Variants in TMEFF2 observed in about 807,000 individuals in gnomAD.
The protein encoded by TMEFF2 is tomoregulin-2.
TMEFF2 carries 28 observed loss-of-function variants against 53.8 expected under a neutral mutation model. The ratio of observed to expected loss-of-function variants is 0.52; its 90% CI spans 0.39 to 0.71. The LOEUF is 0.71. Among genes scored for constraint, TMEFF2 ranks in the 30% least tolerant of loss-of-function variants. The pLI is 0.00. For missense variants in TMEFF2, 353 were observed against 455.2 expected, an observed-to-expected ratio of 0.78 and a Z score of 2.04; for synonymous variants, 162 against 166.3, an observed-to-expected ratio of 0.97 and a Z score of 0.20.
At chr2:192,066,923 G>A (rs1688180870) in intron 4 of TMEFF2, among the ~76,000 whole-genome samples, 1 of 151,774 alleles carries the variant, frequency 6.6e-6, no homozygotes, top group Non-Finnish European at 1.5e-5. Flanking sequence ...CATATAAATG[G>A]TTTTTAATTT....
chr2:191,982,784 A>C (rs1335300131), intron 7 of TMEFF2, among the ~76,000 whole-genome samples: 1 of 152,130 alleles, frequency 6.6e-6, no homozygotes, highest in African/African-American at 2.4e-5. Flanking sequence ...GAGTATGTAC[A>C]GTTTTATCAG....
At chr2:192,087,700 C>T (rs553939658) in intron 4 of TMEFF2, among the ~76,000 whole-genome samples, 121 of 152,174 alleles carry the variant, frequency 8.0e-4, no homozygotes, top group African/African-American at 2.8e-3. Flanking sequence ...ATAAACTTTA[C>T]TATGTTTAAT....
At chr2:191,964,204 C>G (rs1455081656) in intron 7 of TMEFF2, among the ~76,000 whole-genome samples, 1 of 150,920 alleles carries the variant, frequency 6.6e-6, no homozygotes, top group Non-Finnish European at 1.5e-5. Flanking sequence ...CTTTCTCTTT[C>G]TTTCTCTCTT....
chr2:192,132,141 G>C (rs541146005), intron 4 of TMEFF2, among the ~76,000 whole-genome samples: 22 of 152,026 alleles, frequency 1.4e-4, no homozygotes, highest in Non-Finnish European at 2.5e-4. Context: ...TTCTTCCTCA[G>C]CCTCCGCTCC....
intron 5 of TMEFF2, among the ~76,000 whole-genome samples, chr2:192,020,389 C>T: frequency 6.6e-6 from 1 of 152,014 alleles, no homozygotes; most frequent in East Asian, 1.9e-4. Flanking sequence ...TGAACATTTT[C>T]ACCAAATATC....
At chr2:191,958,380 T>G (rs1437972924) in intron 7 of TMEFF2, among the ~76,000 whole-genome samples, 1 of 152,264 alleles carries the variant, frequency 6.6e-6, no homozygotes, top group Non-Finnish European at 1.5e-5. Flanking sequence ...AGTTATACAC[T>G]GTCTTTTCAG....
intron 2 of TMEFF2, among the ~76,000 whole-genome samples, chr2:192,191,500 A>C (rs547183163): frequency 7.2e-4 from 110 of 152,300 alleles, no homozygotes; most frequent in Non-Finnish European, 7.8e-4. Context: ...GCAATAAGAT[A>C]AAAAGATGAT....
At chr2:192,118,124 G>A (rs980450445) in intron 4 of TMEFF2, among the ~76,000 whole-genome samples, 15 of 151,588 alleles carry the variant, frequency 9.9e-5, no homozygotes, top group Non-Finnish European at 2.1e-4. Context: ...ATTTCCTTAT[G>A]ATTTACTCCA....
At chr2:192,031,128 A>G (rs62181513) in intron 5 of TMEFF2, among the ~76,000 whole-genome samples, 1,809 of 152,280 alleles carry the variant, frequency 0.012, 23 homozygotes, top group Non-Finnish European at 0.015. Flanking sequence ...TGGTCATCCT[A>G]TCTGAAATTG....
rs536696927 is a variant in TMEFF2, at chr2:191,959,624, A to G, written c.746-3246T>C. 7.4e-3 allele frequency among the ~76,000 whole-genome samples: 1,122 copies of G among 152,126 alleles called. 11 individuals carry two copies. The highest frequency in any genetic ancestry group is 8.9e-3 in the Non-Finnish European group (606 of 68,008). Reference sequence around the variant, plus strand: ...TAAATCAATACAGTCCAGTATGTACATGTGTGTGTATGTGTTTACCATTGC... The same window carrying G: ...TAAATCAATACAGTCCAGTATGTACGTGTGTGTGTATGTGTTTACCATTGC... On this transcript the variant is annotated intron_variant, in intron 7 of 9. Transcript: ENST00000272771.
chr2:191,984,750 GTAA>G, intron 7 of TMEFF2, among the ~76,000 whole-genome samples: 1 of 152,222 alleles, frequency 6.6e-6, no homozygotes, highest in African/African-American at 2.4e-5. Flanking sequence ...AAAACTCATT[GTAA>G]TAATATGAAC....
chr2:192,055,671 A>T (rs763556651), intron 5 of TMEFF2, among the ~76,000 whole-genome samples: 18 of 147,950 alleles, frequency 1.2e-4, no homozygotes, highest in Non-Finnish European at 2.2e-4. Flanking sequence ...GCTACTCAGG[A>T]GGCTGAGACA....
At chr2:192,092,864 T>G (rs1004253411) in intron 4 of TMEFF2, among the ~76,000 whole-genome samples, 2 of 152,110 alleles carry the variant, frequency 1.3e-5, no homozygotes, top group African/African-American at 4.8e-5. Context: ...TTCTCTCCTA[T>G]AGCATCAATA....
chr2:192,038,086 A>G (rs1687376180), intron 5 of TMEFF2: 1 of 152,148 alleles, frequency 6.6e-6, no homozygotes, highest in African/African-American at 2.4e-5. Context: ...TCATTAATAC[A>G]TTTCTTTCTG....
In TMEFF2 at chr2:191,949,177, A is replaced by G; in HGVS notation, c.*1134T>C. Reference sequence around the variant, plus strand: ...AATTTTCACAGCTTATTTTTTCCAGATCAAGTTGTGATACCTATTTGTATG... The same window carrying G: ...AATTTTCACAGCTTATTTTTTCCAGGTCAAGTTGTGATACCTATTTGTATG... On this transcript the variant is annotated 3_prime_UTR_variant, in exon 10 of 10. Transcript: ENST00000272771. 1 of 985,364 alleles carries G rather than the reference A, an allele frequency of 1.0e-6. No individual in the cohort carries two copies. Among genetic ancestry groups the G allele is most frequent in the Non-Finnish European group, 1.2e-6 (1 of 829,886 alleles). The allele number at this position is 985,364 out of a possible 1,614,324, so 61.0% of individuals were successfully genotyped here.
At chr2:192,066,019 G>A (rs1450242612) in intron 4 of TMEFF2, among the ~76,000 whole-genome samples, 1 of 151,538 alleles carries the variant, frequency 6.6e-6, no homozygotes, top group Admixed American at 6.6e-5. Context: ...TTGTTTTTGA[G>A]CTGTAGTCAT....
At chr2:192,021,814 GA>G (rs1686866413) in intron 5 of TMEFF2, 1 of 152,172 alleles carries the variant, frequency 6.6e-6, no homozygotes, top group Admixed American at 6.5e-5. Context: ...CTGAAGTAAG[GA>G]GGATAGATGT....
At chr2:191,981,131 C>T (rs1685843086) in intron 7 of TMEFF2, among the ~76,000 whole-genome samples, 1 of 151,994 alleles carries the variant, frequency 6.6e-6, no homozygotes, top group South Asian at 2.1e-4. Context: ...AGTGACTCCC[C>T]TATTGAGCAG....
intron 7 of TMEFF2, among the ~76,000 whole-genome samples, chr2:191,980,772 C>T (rs563656932): frequency 9.9e-5 from 15 of 152,006 alleles, no homozygotes; most frequent in East Asian, 5.8e-4. Context: ...TATTTGGCCC[C>T]GAGTCCTACT....
Sources: gnomAD v4.1 joint callset for allele counts (sites outside exome capture counted in the v4.1 genomes callset) on GRCh38, gnomAD v4.1.1 for gene constraint, MANE v1.5 for transcripts, NCBI Gene and HGNC (gene_info 2026-07-23, HGNC 2026-07-21) for gene names.